EPB41: variants seen among roughly 807,000 people sequenced by gnomAD.
EPB41 encodes protein 4.1.
Under a neutral mutation model 108.0 loss-of-function variants are expected in EPB41, and 65 were observed. The ratio of observed to expected loss-of-function variants is 0.60; its 90% CI spans 0.49 to 0.74. The LOEUF (loss-of-function observed/expected upper bound fraction) is 0.74, where lower values mean the gene tolerates loss of function less well. EPB41 is among the 30% of genes least tolerant of loss of function. The pLI, the probability that EPB41 is intolerant of heterozygous loss-of-function variation, is 0.00. For synonymous variants in EPB41, 336 were observed against 358.9 expected, an observed-to-expected ratio of 0.94 and a Z score of 0.72; for missense variants, 875 against 1,037.0, an observed-to-expected ratio of 0.84 and a Z score of 2.15.
intron 1 of EPB41, among the ~76,000 whole-genome samples, chr1:28,949,472 A>G (rs2094618181): frequency 6.6e-6 from 1 of 152,174 alleles, no homozygotes; most frequent in Non-Finnish European, 1.5e-5. Flanking sequence ...ATTACTATAT[A>G]TAGATATATA....
chr1:29,115,577 C>T lies in EPB41; in HGVS notation c.2497-122C>T. 1.2e-6 allele frequency: 1 copy of T among 833,540 alleles called. No individual in the cohort carries two copies. Among genetic ancestry groups the T allele is most frequent in the Admixed American group, 2.0e-5 (1 of 49,968 alleles). 51.6% of individuals were successfully genotyped at this position (833,540 alleles called of 1,614,324 possible). A position where few individuals can be genotyped will look rare whatever the true frequency, so the allele number is the denominator to read the frequency against. ...ATTATCAGCTTGGCTTAGCCTAAAG[C>T]TGCCCTGGTACTGCAGACAGGAGTA... On this transcript the variant is annotated intron_variant, in intron 19 of 20. Transcript: ENST00000343067. This position sits in a 1 kb window ranked among gnomAD's most constrained non-coding sequence, Gnocchi z 4.4.
At chr1:29,034,076 C>A (rs1341823281) in intron 9 of EPB41, among the ~76,000 whole-genome samples, 1 of 152,090 alleles carries the variant, frequency 6.6e-6, no homozygotes, top group Admixed American at 6.6e-5. Context: ...TTTGTGCCTG[C>A]AAATTCTGGA....
intron 12 of EPB41, among the ~76,000 whole-genome samples, chr1:29,057,195 T>C (rs1426867042): frequency 6.6e-6 from 1 of 151,242 alleles, no homozygotes; most frequent in Non-Finnish European, 1.5e-5. Flanking sequence ...GCTAACACGG[T>C]GAAACCCCGT....
intron 11 of EPB41, among the ~76,000 whole-genome samples, chr1:29,041,774 A>C (rs1005293806): frequency 2.0e-4 from 30 of 152,206 alleles, no homozygotes; most frequent in Middle Eastern, 3.2e-3. Flanking sequence ...CCTGATTCCA[A>C]TATCAACCCT....
intron 16 of EPB41, chr1:29,069,350 A>G: frequency 8.1e-7 from 1 of 1,231,190 alleles, no homozygotes; most frequent in Non-Finnish European, 1.0e-6. Flanking sequence ...GGGGAATAAA[A>G]ACTTCTCAAT....
At chr1:28,996,826 T>C (rs1357956005) in intron 3 of EPB41, among the ~76,000 whole-genome samples, 1 of 152,116 alleles carries the variant, frequency 6.6e-6, no homozygotes, top group African/African-American at 2.4e-5. Flanking sequence ...TATTTCATGA[T>C]GGGTGTAGAA....
intron 17 of EPB41, 76 bp downstream of exon 17, chr1:29,098,011 CATTT>C: frequency 6.3e-7 from 1 of 1,595,130 alleles, no homozygotes; most frequent in Non-Finnish European, 8.6e-7. Flanking sequence ...AGTTTCTAGT[CATTT>C]ATCGCCAAGA....
At chr1:28,943,724 C>T (rs2148826411) in intron 1 of EPB41, among the ~76,000 whole-genome samples, 1 of 151,968 alleles carries the variant, frequency 6.6e-6, no homozygotes, top group Middle Eastern at 3.4e-3. Context: ...CAAATGCTGG[C>T]AAGGATGTGG....
intron 1 of EPB41, among the ~76,000 whole-genome samples, chr1:28,970,507 A>G (rs1490467687): frequency 1.3e-5 from 2 of 152,210 alleles, no homozygotes; most frequent in East Asian, 3.8e-4. Context: ...ATTTACCTTG[A>G]AATTTTTAAG....
At chr1:28,998,616 C>T (rs144814993) in intron 4 of EPB41, among the ~76,000 whole-genome samples, 8 of 152,290 alleles carry the variant, frequency 5.3e-5, no homozygotes, top group African/African-American at 1.9e-4. Context: ...TAGTAGTTTA[C>T]AAAAATTTGT....
intron 7 of EPB41, among the ~76,000 whole-genome samples, chr1:29,025,472 C>G (rs897829266): frequency 6.6e-6 from 1 of 151,944 alleles, no homozygotes; most frequent in African/African-American, 2.4e-5. Flanking sequence ...AAATTCAAGA[C>G]AGTACTTTTA....
chr1:28,967,791 A>G (rs1015744980), intron 1 of EPB41, among the ~76,000 whole-genome samples: 1 of 126,748 alleles, frequency 7.9e-6, no homozygotes, highest in African/African-American at 3.0e-5. Flanking sequence ...TTTAAGCTCC[A>G]TTCTTTAATG....
chr1:28,955,174 C>T (rs2094894173), intron 1 of EPB41, among the ~76,000 whole-genome samples: 2 of 152,132 alleles, frequency 1.3e-5, no homozygotes, highest in South Asian at 4.1e-4. Context: ...AATGCAAGTA[C>T]ACAGGCCAGT....
intron 16 of EPB41, among the ~76,000 whole-genome samples, chr1:29,088,511 G>C (rs759263086): frequency 5.9e-5 from 9 of 152,080 alleles, no homozygotes; most frequent in Non-Finnish European, 1.2e-4. Flanking sequence ...AAAGTTTTCA[G>C]GCTAATTTGG....
chr1:29,104,539 A>T (rs1484487798), intron 17 of EPB41, among the ~76,000 whole-genome samples: 1 of 151,514 alleles, frequency 6.6e-6, no homozygotes, highest in Non-Finnish European at 1.5e-5. Context: ...CCTCAGCCTC[A>T]TGAGTAGCTA....
intron 1 of EPB41, among the ~76,000 whole-genome samples, chr1:28,974,893 C>G (rs1281649815): frequency 6.6e-6 from 1 of 151,700 alleles, no homozygotes; most frequent in Non-Finnish European, 1.5e-5. Context: ...CTCCCGGGTT[C>G]AAGAGATTCT....
chr1:29,042,773 C>CTT (rs557935654), intron 11 of EPB41, among the ~76,000 whole-genome samples: 1 of 144,856 alleles, frequency 6.9e-6, no homozygotes, highest in Non-Finnish European at 1.5e-5. Flanking sequence ...CACCCCCCAA[C>CTT]TTTTTTTTTT....
chr1:28,888,612 G>A (rs1197936073), intron 1 of EPB41, among the ~76,000 whole-genome samples: 3 of 152,210 alleles, frequency 2.0e-5, no homozygotes, highest in African/African-American at 7.2e-5. Context: ...GCAGGTGTGA[G>A]GTGGGAATTA....
At chr1:28,963,250 T>C (rs1050544761) in intron 1 of EPB41, among the ~76,000 whole-genome samples, 12 of 152,142 alleles carry the variant, frequency 7.9e-5, no homozygotes, top group Non-Finnish European at 1.6e-4. Flanking sequence ...GCCAATTTTG[T>C]TAGCATGAAT....
Sources: gnomAD v4.1 joint callset for allele counts (sites outside exome capture counted in the v4.1 genomes callset) on GRCh38, gnomAD v4.1.1 for gene constraint, Gnocchi (gnomAD v3.1) non-coding constraint, MANE v1.5 for transcripts, NCBI Gene and HGNC (gene_info 2026-07-23, HGNC 2026-07-21) for gene names.